The following KITLG variants were observed in gnomAD, a reference collection of about 807,000 sequenced individuals.
KITLG encodes KIT ligand, also known as c-Kit ligand.
Under a neutral mutation model 34.1 loss-of-function variants are expected in KITLG, and 13 were observed. That is an observed-to-expected ratio of 0.38 (90% CI 0.25 to 0.61). The LOEUF (loss-of-function observed/expected upper bound fraction) is 0.61. Among genes scored for constraint, KITLG ranks in the 20% least tolerant of loss-of-function variants. KITLG has a pLI of 0.60. For synonymous variants in KITLG, 110 were observed against 104.0 expected (o/e 1.06, Z -0.35); for missense variants, 292 against 318.9 (o/e 0.92, Z 0.64).
chr12:88,551,141 C>A (rs553869762), intron 1 of KITLG, among the ~76,000 whole-genome samples: 1 of 152,188 alleles, frequency 6.6e-6, no homozygotes, highest in East Asian at 1.9e-4. Flanking sequence ...TAAATAAATT[C>A]ATATTGTAAT....
chr12:88,562,647 G>C lies in KITLG; in HGVS notation c.16-16782C>G, dbSNP rs537275365. On this transcript the variant is annotated intron_variant, in intron 1 of 9. Transcript: ENST00000644744. ...TTCTAAATTCAAATAGTGACGATTA[G>C]CTAAATGCTTCTCAGTTTGAACTTT... Among the ~76,000 whole-genome samples, 23 of 152,320 alleles carry C rather than the reference G, an allele frequency of 1.5e-4. 1 individual carries two copies. The East Asian group carries it at 2.5e-3, about 17-fold the overall frequency.
chr12:88,543,160 G>A (rs11832155), intron 2 of KITLG, among the ~76,000 whole-genome samples: 39 of 152,100 alleles, frequency 2.6e-4, no homozygotes, highest in South Asian at 4.2e-4. Flanking sequence ...TGTGCACAAC[G>A]TGCAGGTTTG....
intron 2 of KITLG, among the ~76,000 whole-genome samples, chr12:88,539,137 T>C (rs892710196): frequency 6.6e-6 from 1 of 152,238 alleles, no homozygotes; most frequent in African/African-American, 2.4e-5. Flanking sequence ...CCTCTCTAGA[T>C]CACTGATCTA....
At chr12:88,561,393 C>T (rs1871294621) in intron 1 of KITLG, among the ~76,000 whole-genome samples, 1 of 152,098 alleles carries the variant, frequency 6.6e-6, no homozygotes, top group African/African-American at 2.4e-5. Flanking sequence ...TTGATTCTTC[C>T]CAGTCCCCTA....
intron 3 of KITLG, among the ~76,000 whole-genome samples, chr12:88,524,872 A>C (rs547464422): frequency 3.1e-4 from 47 of 152,312 alleles, no homozygotes; most frequent in African/African-American, 1.0e-3. Context: ...ATAGTTGACT[A>C]CAAGTGTCTA....
chr12:88,518,692 G>A lies in KITLG; in HGVS notation c.363+5C>T. The A allele has an allele frequency of 6.2e-7, 1 of 1,609,900 alleles. No individual in the cohort carries two copies. The highest frequency in any genetic ancestry group is 8.5e-7 in the Non-Finnish European group (1 of 1,176,456). ...GAAAAATAATCCCAATGAACACAAA[G>A]TTACCTTAGATGAGTTTTCTTTCAC... On this transcript the variant is annotated splice_donor_5th_base_variant and intron_variant, in intron 4 of 9. Transcript: ENST00000644744.
chr12:88,515,837 T>C (rs1281797213), intron 5 of KITLG, among the ~76,000 whole-genome samples: 6 of 151,764 alleles, frequency 4.0e-5, no homozygotes, highest in Admixed American at 3.9e-4. Flanking sequence ...ATAAATATGT[T>C]AATAAATACA....
At chr12:88,548,912 C>A (rs1240748996) in intron 1 of KITLG, among the ~76,000 whole-genome samples, 1 of 152,150 alleles carries the variant, frequency 6.6e-6, no homozygotes, top group Admixed American at 6.5e-5. Flanking sequence ...TAACTGTACT[C>A]TTTTCTTTCC....
chr12:88,497,197 GA>G lies in KITLG; in HGVS notation c.*38-17del, dbSNP rs1473097318. ...TGTTACCAGCCTAGAAAGGAAGGAAGAAAAGAGAGATTATGGTGTATCTGCC... is the reference window on the plus strand; with the variant it reads ...TGTTACCAGCCTAGAAAGGAAGGAAGAAAGAGAGATTATGGTGTATCTGCC... On this transcript the variant is annotated splice_polypyrimidine_tract_variant and intron_variant, in intron 9 of 9. Transcript: ENST00000644744. 2.3e-6 allele frequency: 1 copy of G among 435,490 alleles called. No individual in the cohort carries two copies. Among genetic ancestry groups the G allele is most frequent in the African/African-American group, 2.0e-5 (1 of 48,996 alleles). The allele number at this position is 435,490 out of a possible 1,614,324, so 27.0% of individuals were successfully genotyped here.
chr12:88,545,135 G>C (rs1870673484), intron 2 of KITLG, among the ~76,000 whole-genome samples: 1 of 152,162 alleles, frequency 6.6e-6, no homozygotes, highest in African/African-American at 2.4e-5. Context: ...AGCATCTGGA[G>C]AAGCATAGCA....
chr12:88,534,956 T>A (rs542486407), intron 2 of KITLG, among the ~76,000 whole-genome samples: 1 of 152,210 alleles, frequency 6.6e-6, no homozygotes, highest in East Asian at 1.9e-4. Flanking sequence ...ATAAACCAGG[T>A]AAATTAAAGG....
intron 6 of KITLG, among the ~76,000 whole-genome samples, chr12:88,511,653 A>G (rs925163559): frequency 1.3e-5 from 2 of 152,202 alleles, no homozygotes; most frequent in African/African-American, 4.8e-5. Flanking sequence ...AAACCTGACC[A>G]AAAAATAAAA....
chr12:88,504,541 T>C (rs914998697), intron 9 of KITLG, among the ~76,000 whole-genome samples: 1 of 151,972 alleles, frequency 6.6e-6, no homozygotes, highest in African/African-American at 2.4e-5. Context: ...ATCAGAGAAA[T>C]GCAAATCAAA....
chr12:88,573,851 C>T (rs1008902838), intron 1 of KITLG, among the ~76,000 whole-genome samples: 2 of 152,140 alleles, frequency 1.3e-5, no homozygotes, highest in Non-Finnish European at 2.9e-5. Context: ...CATGGTCACC[C>T]TAAAGAGCAA....
At chr12:88,571,880 A>G (rs565619720) in intron 1 of KITLG, among the ~76,000 whole-genome samples, 2 of 152,310 alleles carry the variant, frequency 1.3e-5, no homozygotes, top group South Asian at 4.1e-4. Flanking sequence ...CTCTTTTGCA[A>G]TAAACACCTG....
intron 6 of KITLG, 69 bp from the exon 7 acceptor site, chr12:88,507,206 T>C (rs1869099586): frequency 1.0e-6 from 1 of 988,996 alleles, no homozygotes; most frequent in Non-Finnish European, 1.6e-6. Flanking sequence ...TATGCTGTGG[T>C]TGTTTTTAAC....
At chr12:88,503,030 C>T (rs938508537) in intron 9 of KITLG, among the ~76,000 whole-genome samples, 3 of 152,016 alleles carry the variant, frequency 2.0e-5, no homozygotes, top group Admixed American at 6.6e-5. Flanking sequence ...GTCAAGCAAA[C>T]GGTCTATCCA....
At chr12:88,579,733 A>G (rs1871949843) in intron 1 of KITLG, among the ~76,000 whole-genome samples, 1 of 151,118 alleles carries the variant, frequency 6.6e-6, no homozygotes, top group Non-Finnish European at 1.5e-5. Context: ...CGCCCCGCCG[A>G]GAGCTGCCGC....
At chr12:88,534,787 C>T in intron 2 of KITLG, 1 of 426,860 alleles carries the variant, frequency 2.3e-6, no homozygotes, top group Admixed American at 3.2e-5. Context: ...AACTTTCCAC[C>T]AAGCTTCCAT....
Sources: gnomAD v4.1 joint callset for allele counts (sites outside exome capture counted in the v4.1 genomes callset) on GRCh38, gnomAD v4.1.1 for gene constraint, MANE v1.5 for transcripts, NCBI Gene and HGNC (gene_info 2026-07-23, HGNC 2026-07-21) for gene names.